SLC22A24: variants seen among roughly 807,000 people sequenced by gnomAD.
The protein encoded by SLC22A24 is solute carrier family 22 member 24.
A neutral mutation model predicts 49.8 loss-of-function variants in SLC22A24; 53 were observed. The observed-to-expected ratio is 1.06, with a 90% CI of 0.85 to 1.34. SLC22A24 has a LOEUF of 1.34. SLC22A24 is among the 40% of genes most tolerant of loss of function. The pLI, the probability that SLC22A24 is intolerant of heterozygous loss-of-function variation, is 0.00. For missense variants in SLC22A24, 786 were observed against 675.9 expected (o/e 1.16, Z -1.81); for synonymous variants, 302 against 256.4 (o/e 1.18, Z -1.70).
intron 6 of SLC22A24, among the ~76,000 whole-genome samples, chr11:63,084,739 G>T (rs61285056): frequency 0.078 from 11,883 of 152,128 alleles, 619 homozygotes; most frequent in African/African-American, 0.15. Context: ...TACAAGTGGA[G>T]AGGAAGCATA....
intron 2 of SLC22A24, among the ~76,000 whole-genome samples, chr11:63,121,709 A>G (rs138274416): frequency 6.6e-6 from 1 of 152,012 alleles, no homozygotes; most frequent in Non-Finnish European, 1.5e-5. Context: ...ACATATGTAT[A>G]CACGTGCCAT....
At chr11:63,083,550 T>G in intron 6 of SLC22A24, 93 bp from the exon 7 acceptor site, 1 of 1,036,568 alleles carries the variant, frequency 9.6e-7, no homozygotes, top group South Asian at 1.6e-5. Context: ...CTACAAATGA[T>G]TATAATATTG....
chr11:63,112,190 T>C (rs1271026015), intron 4 of SLC22A24, among the ~76,000 whole-genome samples: 1 of 152,198 alleles, frequency 6.6e-6, no homozygotes, highest in African/African-American at 2.4e-5. Context: ...TGAGTTCTAG[T>C]TTGATTGCAC....
At chr11:63,089,198 C>G (rs1236953505) in intron 6 of SLC22A24, among the ~76,000 whole-genome samples, 2 of 152,138 alleles carry the variant, frequency 1.3e-5, no homozygotes, top group African/African-American at 4.8e-5. Flanking sequence ...ACAAAGGGAA[C>G]CCCATCAGAC....
At chr11:63,105,685 T>C (rs1029913419) in intron 4 of SLC22A24, among the ~76,000 whole-genome samples, 1 of 151,980 alleles carries the variant, frequency 6.6e-6, no homozygotes, top group East Asian at 1.9e-4. Context: ...AAGTCATTTT[T>C]TTTTCTCCTA....
intron 5 of SLC22A24, among the ~76,000 whole-genome samples, chr11:63,098,662 C>CA (rs940829701): frequency 1.3e-5 from 2 of 151,182 alleles, no homozygotes; most frequent in Admixed American, 6.6e-5. Flanking sequence ...GACTCCATCT[C>CA]AAAAAAACAA....
intron 5 of SLC22A24, among the ~76,000 whole-genome samples, chr11:63,098,854 TAAAC>T (rs2087071763): frequency 2.0e-5 from 3 of 151,928 alleles, no homozygotes; most frequent in Admixed American, 2.0e-4. Flanking sequence ...TTTGAAAAGA[TAAAC>T]AAAATTGACA....
At chr11:63,112,215 T>C (rs1394512425) in intron 4 of SLC22A24, among the ~76,000 whole-genome samples, 1 of 152,126 alleles carries the variant, frequency 6.6e-6, no homozygotes, top group Admixed American at 6.6e-5. Context: ...GTCTGAGAGA[T>C]AGTTTGTTAT....
At chr11:63,124,901 AATGAGAACAC>A (rs1410530905) in intron 2 of SLC22A24, among the ~76,000 whole-genome samples, 1 of 151,728 alleles carries the variant, frequency 6.6e-6, no homozygotes, top group Non-Finnish European at 1.5e-5. Context: ...GGAATTGAAC[AATGAGAACAC>A]ATGGACACAG....
chr11:63,131,353 A>G (rs1024354404), intron 2 of SLC22A24, among the ~76,000 whole-genome samples: 2 of 152,106 alleles, frequency 1.3e-5, no homozygotes, highest in East Asian at 3.8e-4. Context: ...CTGTTAATTG[A>G]GGCAGTGTCT....
intron 6 of SLC22A24, among the ~76,000 whole-genome samples, chr11:63,085,438 TAATC>T (rs956916648): frequency 6.6e-6 from 1 of 152,156 alleles, no homozygotes; most frequent in African/African-American, 2.4e-5. Context: ...ATGCCTTAAA[TAATC>T]AATAGTACAT....
chr11:63,134,586 G>A (rs1244383513), intron 2 of SLC22A24, 79 bp downstream of exon 2: 9 of 835,310 alleles, frequency 1.1e-5, no homozygotes, highest in South Asian at 1.6e-5. Flanking sequence ...TACAGTAAGA[G>A]CTCAGTAAAT....
At chr11:63,089,208 C>A (rs965127282) in intron 6 of SLC22A24, among the ~76,000 whole-genome samples, 1 of 152,196 alleles carries the variant, frequency 6.6e-6, no homozygotes, top group African/African-American at 2.4e-5. Flanking sequence ...CCCCATCAGA[C>A]TAAAAGTGGA....
intron 2 of SLC22A24, among the ~76,000 whole-genome samples, chr11:63,127,542 A>G (rs190023822): frequency 1.5e-3 from 228 of 152,310 alleles, no homozygotes; most frequent in African/African-American, 5.1e-3. Context: ...TAGAACCTTG[A>G]GGAATCGCCA....
intron 1 of SLC22A24, among the ~76,000 whole-genome samples, chr11:63,141,293 G>A (rs370067577): frequency 6.6e-6 from 1 of 152,170 alleles, no homozygotes; most frequent in African/African-American, 2.4e-5. Context: ...GATAATGAAA[G>A]GGTTTTGTTT....
At position 63,129,222 on chromosome 11, in the gene SLC22A24, T is replaced by C. The variant is rs962715254; in HGVS notation, c.506+5443A>G. Among the ~76,000 whole-genome samples the C allele has an allele frequency of 3.0e-4, 45 of 152,224 alleles. 1 individual carries two copies. The highest frequency in any genetic ancestry group is 5.3e-4 in the Non-Finnish European group (36 of 68,044). On this transcript the variant is annotated intron_variant, in intron 2 of 9. Transcript: ENST00000612278. ...TAGCCAGTTTTCCCAGCACCACTTA[T>C]TAAAAAGGAAATCCTTTCCCCATTG...
At chr11:63,139,183 T>G (rs2087397005) in intron 1 of SLC22A24, among the ~76,000 whole-genome samples, 1 of 152,024 alleles carries the variant, frequency 6.6e-6, no homozygotes, top group Admixed American at 6.6e-5. Flanking sequence ...TTCTCCATTT[T>G]TTTTTGTCTT....
chr11:63,095,860 T>C (rs1180504266), intron 6 of SLC22A24, 131 bp downstream of exon 6: 1 of 678,218 alleles, frequency 1.5e-6, no homozygotes, highest in Non-Finnish European at 2.5e-6. Context: ...CTTAGAGGCA[T>C]ACATTTGTAT....
At chr11:63,129,755 C>T (rs1242030493) in intron 2 of SLC22A24, among the ~76,000 whole-genome samples, 1 of 151,722 alleles carries the variant, frequency 6.6e-6, no homozygotes, top group Admixed American at 6.6e-5. Context: ...GATGGGAGTT[C>T]ACTCATGATT....
Sources: gnomAD v4.1 joint callset for allele counts (sites outside exome capture counted in the v4.1 genomes callset) on GRCh38, gnomAD v4.1.1 for gene constraint, MANE v1.5 for transcripts, NCBI Gene and HGNC (gene_info 2026-07-23, HGNC 2026-07-21) for gene names.